The following WDR44 variants were observed in gnomAD, a reference collection of about 807,000 sequenced individuals.
The protein encoded by WDR44 is WD repeat-containing protein 44.
A neutral mutation model predicts 65.7 loss-of-function variants in WDR44; 9 were observed. The observed-to-expected ratio is 0.14, with a 90% CI of 0.08 to 0.24. WDR44 has a LOEUF of 0.24. Ranked by LOEUF, WDR44 falls within the 10% of genes least tolerant of loss-of-function variation. WDR44 has a pLI of 1.00. For missense variants in WDR44, 425 were observed against 670.9 expected (o/e 0.63, Z 4.05); for synonymous variants, 220 against 235.2 (o/e 0.94, Z 0.59).
At chrX:118,416,216 C>T (rs1340227668) in intron 12 of WDR44, among the ~76,000 whole-genome samples, 1 of 111,179 alleles carries the variant, frequency 9.0e-6, no homozygotes, top group Non-Finnish European at 1.9e-5. Context: ...TTCCTTTCTT[C>T]TGCTGGCTTT....
At chrX:118,432,742 T>C in intron 12 of WDR44, 39 bp from the exon 13 acceptor site, 1 of 1,084,406 alleles carries the variant, frequency 9.2e-7, no homozygotes, top group Non-Finnish European at 1.3e-6. Context: ...AAACTAGTTT[T>C]ACATTGCAGT....
rs755519909 is a variant in WDR44 at position 118,346,497 on chromosome X, C to T, written c.-7C>T. 8.3e-7 allele frequency: 1 copy of T among 1,208,097 alleles called. No homozygotes were observed. Among genetic ancestry groups the T allele is most frequent in the Admixed American group, 2.2e-5 (1 of 45,852 alleles). On this transcript the variant is annotated 5_prime_UTR_variant, in exon 1 of 20. Transcript: ENST00000254029. ...CCGGCCCCCTCACCCGCGGGTGTGT[C>T]CTATAAATGGCGTCGGAAAGCGACA...
intron 11 of WDR44, 80 bp from the exon 12 acceptor site, chrX:118,410,815 C>T: frequency 1.3e-6 from 1 of 777,982 alleles, no homozygotes; most frequent in Non-Finnish European, 1.9e-6. Flanking sequence ...ATTGCTGTGT[C>T]ATTACTTCTG....
intron 1 of WDR44, among the ~76,000 whole-genome samples, chrX:118,367,498 A>G (rs896177048): frequency 5.4e-5 from 6 of 111,900 alleles, no homozygotes; most frequent in Non-Finnish European, 1.1e-4. Flanking sequence ...AAAGGGTCAC[A>G]GTTTCACTTG....
chrX:118,396,898 A>AT (rs997421821), intron 6 of WDR44, 72 bp from the exon 7 acceptor site: 5 of 1,075,917 alleles, frequency 4.6e-6, no homozygotes, highest in Admixed American at 3.5e-5. Context: ...ATTTTAGGGG[A>AT]TTTTGTAGAC....
intron 1 of WDR44, among the ~76,000 whole-genome samples, chrX:118,374,574 C>T (rs2056641024): frequency 9.0e-6 from 1 of 111,543 alleles, no homozygotes; most frequent in Non-Finnish European, 1.9e-5. Flanking sequence ...AGTGATGTCA[C>T]CCAGTTGCAA....
intron 12 of WDR44, among the ~76,000 whole-genome samples, chrX:118,422,940 T>G (rs1361918072): frequency 1.8e-5 from 2 of 111,341 alleles, no homozygotes; most frequent in Admixed American, 9.6e-5. Flanking sequence ...GAGCTTATGT[T>G]TTTAACCATT....
chrX:118,437,781 T>C (rs959636578), intron 14 of WDR44, among the ~76,000 whole-genome samples: 16 of 111,754 alleles, frequency 1.4e-4, no homozygotes, highest in African/African-American at 4.6e-4. Context: ...CTCACACCTG[T>C]AATCCCAGCA....
At chrX:118,378,888 A>C (rs2056688447) in intron 2 of WDR44, among the ~76,000 whole-genome samples, 3 of 103,889 alleles carry the variant, frequency 2.9e-5, no homozygotes, top group African/African-American at 1.1e-4. Flanking sequence ...AAAAAAACAC[A>C]CAAAAATTAT....
chrX:118,444,055 CAAAA>C (rs200490026), intron 18 of WDR44, among the ~76,000 whole-genome samples: 1 of 105,524 alleles, frequency 9.5e-6, no homozygotes, highest in African/African-American at 3.5e-5. Flanking sequence ...AAAAAAAAGA[CAAAA>C]AAAAAGAAGA....
chrX:118,377,959 T>C (rs1002078121), intron 1 of WDR44, among the ~76,000 whole-genome samples: 3 of 109,600 alleles, frequency 2.7e-5, no homozygotes, highest in Admixed American at 2.0e-4. Flanking sequence ...TCCACTTTTT[T>C]TTTCTTTTTC....
chrX:118,424,333 A>ATATATATATATATATATATATG (rs2057137167), intron 12 of WDR44, among the ~76,000 whole-genome samples: 1 of 88,353 alleles, frequency 1.1e-5, no homozygotes, highest in African/African-American at 5.2e-5. Flanking sequence ...GTATATATAT[A>ATATATATATATATATATATATG]TATATATATA....
chrX:118,414,257 C>CTTTTTTT (rs565805780), intron 12 of WDR44, among the ~76,000 whole-genome samples: 6 of 46,624 alleles, frequency 1.3e-4, no homozygotes, highest in Admixed American at 4.9e-4. Flanking sequence ...CTTGCGATTG[C>CTTTTTTT]TTTTTTTTTT....
At chrX:118,423,062 T>A (rs1206782597) in intron 12 of WDR44, among the ~76,000 whole-genome samples, 1 of 111,967 alleles carries the variant, frequency 8.9e-6, no homozygotes, top group Non-Finnish European at 1.9e-5. Context: ...GCTAGAGATA[T>A]AGTAAGTGAA....
At chrX:118,419,158 C>T (rs979393364) in intron 12 of WDR44, among the ~76,000 whole-genome samples, 2 of 111,619 alleles carry the variant, frequency 1.8e-5, no homozygotes, top group South Asian at 7.5e-4. Flanking sequence ...CCTATGGAGT[C>T]TGCACACCGG....
intron 10 of WDR44, among the ~76,000 whole-genome samples, chrX:118,409,039 T>G (rs908888335): frequency 1.8e-5 from 2 of 112,481 alleles, no homozygotes; most frequent in Non-Finnish European, 3.7e-5. Flanking sequence ...CTTTTGGACT[T>G]AAGTAGTGTT....
At chrX:118,386,321 T>C in intron 2 of WDR44, 1 of 346,984 alleles carries the variant, frequency 2.9e-6, no homozygotes, top group Non-Finnish European at 5.5e-6. Context: ...GAGTATTGTA[T>C]TGAGATTTGC....
rs1018436879 is a variant in WDR44, at chrX:118,443,426, A to G, written c.2385-134A>G. On this transcript the variant is annotated intron_variant, in intron 17 of 19. Transcript: ENST00000254029. Reference sequence around the variant, plus strand: ...CATTTAGAACATCTAGAGTGAGACCATGGGTCTACATATTCAACAAGACCC... The same window carrying G: ...CATTTAGAACATCTAGAGTGAGACCGTGGGTCTACATATTCAACAAGACCC... 1.1e-5 allele frequency: 8 copies of G among 738,728 alleles called. No individual in the cohort carries two copies. In the African/African-American group the frequency reaches 1.5e-4, roughly 14 times the overall value. 60.9% of individuals were successfully genotyped at this position (738,728 alleles called of 1,213,427 possible).
chrX:118,432,959 A>G, intron 13 of WDR44, 65 bp downstream of exon 13: 1 of 1,018,004 alleles, frequency 9.8e-7, no homozygotes, highest in South Asian at 2.1e-5. Context: ...TGTAGTCTTA[A>G]AGCAGAATTT....
Sources: gnomAD v4.1 joint callset for allele counts (sites outside exome capture counted in the v4.1 genomes callset) on GRCh38, gnomAD v4.1.1 for gene constraint, MANE v1.5 for transcripts, NCBI Gene and HGNC (gene_info 2026-07-23, HGNC 2026-07-21) for gene names.